Variants in DMD observed in about 807,000 individuals in gnomAD.
DMD encodes the protein dystrophin.
DMD carries 63 observed loss-of-function variants against 330.1 expected under a neutral mutation model. The ratio of observed to expected loss-of-function variants is 0.19; its 90% confidence interval spans 0.16 to 0.24. DMD has a LOEUF of 0.24. Among genes scored for constraint, DMD ranks in the 10% least tolerant of loss-of-function variants. The probability of loss-of-function intolerance (pLI) is 1.00; values close to 1 mark genes in which losing one functional copy is unlikely to be tolerated. For missense variants in DMD, 3,344 were observed against 2,684.1 expected, an observed-to-expected ratio of 1.25 and a Z score of -5.43; for synonymous variants, 1,223 against 959.8, an observed-to-expected ratio of 1.27 and a Z score of -5.07.
intron 1 of DMD, among the ~76,000 whole-genome samples, chrX:33,292,403 T>C (rs755320773): frequency 2.7e-5 from 3 of 111,892 alleles, no homozygotes; most frequent in South Asian, 7.3e-4. Context: ...GTTAACACTT[T>C]AAAATATATG....
intron 9 of DMD, among the ~76,000 whole-genome samples, chrX:32,695,890 C>A (rs1462488402): frequency 3.6e-5 from 4 of 111,940 alleles, no homozygotes; most frequent in Non-Finnish European, 7.5e-5. Context: ...ACAGAATAGT[C>A]AGAGAGGAAG....
intron 9 of DMD, among the ~76,000 whole-genome samples, chrX:32,645,703 G>A (rs1207086910): frequency 8.9e-6 from 1 of 111,817 alleles, no homozygotes; most frequent in South Asian, 3.7e-4. Context: ...ATTTCTAACA[G>A]CATAATGACT....
At chrX:32,242,462 C>T (rs1436938425) in intron 43 of DMD, among the ~76,000 whole-genome samples, 3 of 111,709 alleles carry the variant, frequency 2.7e-5, no homozygotes, top group Non-Finnish European at 5.7e-5. Flanking sequence ...TAACATTACC[C>T]TCTGATGACT....
chrX:32,946,841 C>G (rs1340916911), intron 2 of DMD, among the ~76,000 whole-genome samples: 2 of 111,278 alleles, frequency 1.8e-5, no homozygotes, highest in African/African-American at 6.5e-5. Flanking sequence ...TTTTAAACAG[C>G]CCAGTGACTA....
intron 62 of DMD, among the ~76,000 whole-genome samples, chrX:31,303,247 A>G (rs1021453698): frequency 1.8e-5 from 2 of 111,777 alleles, no homozygotes; most frequent in Admixed American, 1.9e-4. Context: ...TCATGGTTTC[A>G]GTTACTAGCT....
intron 60 of DMD, among the ~76,000 whole-genome samples, chrX:31,391,353 C>T (rs920083583): frequency 5.5e-5 from 6 of 109,923 alleles, no homozygotes; most frequent in African/African-American, 1.7e-4. Context: ...GTGATCCGCC[C>T]GCCTCGGGGT....
intron 62 of DMD, among the ~76,000 whole-genome samples, chrX:31,302,480 G>C (rs951383212): frequency 1.8e-5 from 2 of 110,946 alleles, no homozygotes; most frequent in Non-Finnish European, 3.8e-5. Context: ...GTATATTTCA[G>C]TATAGAGCTG....
At chrX:32,480,269 G>C (rs1192116773) in intron 21 of DMD, among the ~76,000 whole-genome samples, 1 of 111,854 alleles carries the variant, frequency 8.9e-6, no homozygotes, top group Non-Finnish European at 1.9e-5. Flanking sequence ...ATAAATGTTG[G>C]AGAGGCTGTG....
At chrX:32,257,443 A>G (rs1484092538) in intron 43 of DMD, among the ~76,000 whole-genome samples, 1 of 111,981 alleles carries the variant, frequency 8.9e-6, no homozygotes, top group Non-Finnish European at 1.9e-5. Flanking sequence ...TAAGCAAAAC[A>G]GACTGGTACT....
At position 32,579,533 on chromosome X, in the gene DMD, T is replaced by C. The variant is rs2053426809; in HGVS notation, c.1603-5687A>G. Among the ~76,000 whole-genome samples, 3 of 112,550 alleles carry C rather than the reference T, an allele frequency of 2.7e-5. No homozygotes were observed. In the South Asian group the frequency reaches 1.1e-3, roughly 41 times the overall value. ...CATTCATTATAAAAGATATGCCTTC[T>C]AATTTGTGCTACACAACCTACAGTG... On this transcript the variant is annotated intron_variant, in intron 13 of 78. Transcript: ENST00000357033.
intron 7 of DMD, among the ~76,000 whole-genome samples, chrX:32,753,428 C>T (rs1294974929): frequency 9.0e-6 from 1 of 111,311 alleles, no homozygotes; most frequent in Non-Finnish European, 1.9e-5. Context: ...AGATGTGGTT[C>T]GACTTTGCAT....
chrX:31,364,466 CTTT>C (rs757394387), intron 60 of DMD, among the ~76,000 whole-genome samples: 36 of 112,081 alleles, frequency 3.2e-4, no homozygotes, highest in East Asian at 5.6e-4. Context: ...CACCAACACC[CTTT>C]TGTTTCTTAA....
intron 1 of DMD, among the ~76,000 whole-genome samples, chrX:33,141,826 GTTTCA>G (rs2047814413): frequency 9.0e-6 from 1 of 111,596 alleles, no homozygotes. Context: ...AGTTCAGTGA[GTTTCA>G]TTTAAACCAT....
At chrX:32,988,315 A>AAT (rs1432958910) in intron 2 of DMD, among the ~76,000 whole-genome samples, 2 of 112,012 alleles carry the variant, frequency 1.8e-5, no homozygotes, top group Non-Finnish European at 3.8e-5. Flanking sequence ...TCCAGAAATC[A>AAT]CTAAAATGGA....
chrX:32,169,451 C>A (rs371891260), intron 44 of DMD, among the ~76,000 whole-genome samples: 85 of 111,440 alleles, frequency 7.6e-4, no homozygotes, highest in South Asian at 1.9e-3. Context: ...CTTTAAGAGA[C>A]AAAGCAAGGC....
intron 53 of DMD, among the ~76,000 whole-genome samples, chrX:31,661,798 TC>T (rs1008541874): frequency 1.8e-5 from 2 of 111,912 alleles, no homozygotes; most frequent in Non-Finnish European, 3.8e-5. Flanking sequence ...AAAGATTGTT[TC>T]CCCAACCAGG....
At chrX:31,477,796 TACACACACAC>T (rs10597133) in intron 59 of DMD, among the ~76,000 whole-genome samples, 16 of 99,314 alleles carry the variant, frequency 1.6e-4, no homozygotes, top group African/African-American at 2.5e-4. Context: ...AATACACCAA[TACACACACAC>T]ACACACACAC....
At chrX:32,094,038 T>C (rs1433660172) in intron 44 of DMD, among the ~76,000 whole-genome samples, 2 of 111,808 alleles carry the variant, frequency 1.8e-5, no homozygotes, top group Non-Finnish European at 3.8e-5. Flanking sequence ...GCTACATAAC[T>C]ACAAGAGATG....
At chrX:32,254,576 TGA>T (rs2097290998) in intron 43 of DMD, among the ~76,000 whole-genome samples, 1 of 111,483 alleles carries the variant, frequency 9.0e-6, no homozygotes, top group Non-Finnish European at 1.9e-5. Flanking sequence ...GTCATAGAGG[TGA>T]GAGAGATGGA....
Sources: gnomAD v4.1 joint callset for allele counts (sites outside exome capture counted in the v4.1 genomes callset) on GRCh38, gnomAD v4.1.1 for gene constraint, MANE v1.5 for transcripts, NCBI Gene and HGNC (gene_info 2026-07-23, HGNC 2026-07-21) for gene names.